SYNJ2: variants seen among roughly 807,000 people sequenced by gnomAD.
The protein encoded by SYNJ2 is synaptojanin 2.
A neutral mutation model predicts 141.3 loss-of-function variants in SYNJ2; 116 were observed. The ratio of observed to expected loss-of-function variants is 0.82; its 90% CI spans 0.71 to 0.96. The LOEUF is 0.96. SYNJ2 is among the 40% of genes least tolerant of loss of function. The probability of loss-of-function intolerance (pLI) is 0.00; values close to 1 mark genes in which losing one functional copy is unlikely to be tolerated. For missense variants in SYNJ2, 1,873 were observed against 1,934.8 expected, an observed-to-expected ratio of 0.97 and a Z score of 0.60; for synonymous variants, 745 against 777.7, an observed-to-expected ratio of 0.96 and a Z score of 0.70.
chr6:158,012,110 G>T (rs1778290125), intron 1 of SYNJ2, among the ~76,000 whole-genome samples: 1 of 152,268 alleles, frequency 6.6e-6, no homozygotes, highest in East Asian at 1.9e-4. Flanking sequence ...CCCTGTAGGT[G>T]CATGACAGAG....
chr6:158,038,446 C>T (rs1318806515), intron 4 of SYNJ2, among the ~76,000 whole-genome samples: 1 of 152,182 alleles, frequency 6.6e-6, no homozygotes, highest in African/African-American at 2.4e-5. Flanking sequence ...ACAAGAGATG[C>T]GTAGCGGGGC....
rs148003447 is a variant in SYNJ2, at chr6:158,089,144, T to C, written c.3456+372T>C. 2.8e-4 allele frequency among the ~76,000 whole-genome samples: 43 copies of C among 151,926 alleles called. 2 individuals are homozygous for C. The highest frequency in any genetic ancestry group is 2.3e-3 in the South Asian group (11 of 4,802). Reference sequence around the variant, plus strand: ...AAATGATGATCATTCTGGAGTGAAGTTGGTTGAGAGAAGAGGCTAAAAAGA... The same window carrying C: ...AAATGATGATCATTCTGGAGTGAAGCTGGTTGAGAGAAGAGGCTAAAAAGA... On this transcript the variant is annotated intron_variant, in intron 24 of 26. Transcript: ENST00000355585.
At position 158,078,245 on chromosome 6, in the gene SYNJ2, A is replaced by G; in HGVS notation, c.2531A>G (p.Tyr844Cys). 1.2e-6 allele frequency: 2 copies of G among 1,613,990 alleles called. No individual in the cohort carries two copies. Among genetic ancestry groups the G allele is most frequent in the Non-Finnish European group, 1.7e-6 (2 of 1,179,884 alleles). The change falls in exon 18 of 27, where the codon TAT becomes TGT. Residue 844 changes from tyrosine (Y) to cysteine (C), a missense_variant. Transcript: ENST00000355585. ...RHTWSPGALQ[Y>C]YGRAELQASD... ...ACCTGGTCTCCTGGTGCCCTGCAGT[A>G]TTATGGTCGTGCGGAGCTACAAGCG...
At chr6:158,059,521 A>T in intron 7 of SYNJ2, 168 bp downstream of exon 7, 1 of 1,399,192 alleles carries the variant, frequency 7.1e-7, no homozygotes, top group Non-Finnish European at 9.3e-7. Context: ...GTGCTCAGTG[A>T]CTCGGGCCCT....
intron 25 of SYNJ2, among the ~76,000 whole-genome samples, chr6:158,092,714 G>A (rs1308008948): frequency 6.6e-6 from 1 of 152,096 alleles, no homozygotes; most frequent in Non-Finnish European, 1.5e-5. Context: ...GCAGTGAGCC[G>A]TGATCATGCC....
chr6:158,062,174 G>A lies in SYNJ2; in HGVS notation c.1127+10G>A, dbSNP rs145258118. On this transcript the variant is annotated intron_variant, in intron 8 of 26. Coordinates refer to ENST00000355585, the MANE Select transcript of SYNJ2 (RefSeq NM_003898.4). ...AGAACGTCAGTCCACGGTGAGGCTC[G>A]CTGCGCACTGTGCCGCGTCTTCTGC... 4.9e-4 allele frequency: 794 copies of A among 1,610,638 alleles called. 9 individuals carry two copies. In the Admixed American group the frequency reaches 0.013, roughly 26 times the overall value.
rs115444049 is a variant in SYNJ2, at chr6:157,997,506, G to A, written c.127+15418G>A. ...GGGAGTGACACTGCCGCAAGACAAG[G>A]AATGCCTGGGCTACCGGAAGCTGGG... is the stretch of plus-strand genomic sequence containing the variant. On this transcript the variant is annotated intron_variant, in intron 1 of 26. Transcript: ENST00000355585. 1.2e-3 allele frequency among the ~76,000 whole-genome samples: 179 copies of A among 152,262 alleles called. 1 individual carries two copies. Among genetic ancestry groups the A allele is most frequent in the African/African-American group, 4.2e-3 (173 of 41,566 alleles).
rs1163015921 is a variant in SYNJ2, at chr6:158,078,220, A to C, written c.2506A>C (p.Thr836Pro). ...AGATGTTGACACCAAAGTCAGACACACCTGGTCTCCTGGTGCCCTGCAGTA... is the reference window on the plus strand; with the variant it reads ...AGATGTTGACACCAAAGTCAGACACCCCTGGTCTCCTGGTGCCCTGCAGTA... The part of the protein sequence containing the change: ...DLDVDTKVRH[T>P]WSPGALQYYG... Residue 836 changes from threonine (T) to proline (P), a missense_variant, in exon 18 of 27, where the codon ACC becomes CCC. Physicochemically the swap from Thr to Pro is conservative, Grantham distance 38. Transcript: ENST00000355585. 1 of 1,614,040 alleles carries C rather than the reference A, an allele frequency of 6.2e-7. No individual in the cohort carries two copies. The highest frequency in any genetic ancestry group is 8.5e-7 in the Non-Finnish European group (1 of 1,180,016).
chr6:158,081,594 C>G, intron 20 of SYNJ2, 84 bp downstream of exon 20: 1 of 628,644 alleles, frequency 1.6e-6, no homozygotes, highest in Non-Finnish European at 2.7e-6. Flanking sequence ...TCCTCTTGCC[C>G]TGACCTGTGC....
At chr6:158,016,672 G>A (rs1778471623) in intron 1 of SYNJ2, among the ~76,000 whole-genome samples, 1 of 152,120 alleles carries the variant, frequency 6.6e-6, no homozygotes, top group Non-Finnish European at 1.5e-5. Flanking sequence ...ACTAGTACAT[G>A]CCTTGGCTTG....
At chr6:158,055,267 A>G (rs1780801234) in intron 6 of SYNJ2, among the ~76,000 whole-genome samples, 2 of 152,198 alleles carry the variant, frequency 1.3e-5, no homozygotes, top group Non-Finnish European at 2.9e-5. Context: ...TAATTATTTT[A>G]TCTTACCAGT....
chr6:158,044,740 C>A (rs1780144632), intron 5 of SYNJ2, among the ~76,000 whole-genome samples: 1 of 152,138 alleles, frequency 6.6e-6, no homozygotes, highest in Admixed American at 6.5e-5. Context: ...AAACTTTGTC[C>A]CCGTTAGTGG....
chr6:158,098,818 G>A lies in SYNJ2; in HGVS notation c.*2454G>A, dbSNP rs1783915932. ...TTTAGGTACTTCACAACTCACCATT[G>A]TCTCTCTGACCCCAAGCCTAGTCCC... On this transcript the variant is annotated 3_prime_UTR_variant, in exon 27 of 27. Transcript: ENST00000355585. 2 of 152,156 alleles carry A rather than the reference G, an allele frequency of 1.3e-5. No individual in the cohort carries two copies. The highest frequency in any genetic ancestry group is 1.3e-4 in the Admixed American group (2 of 15,270). The allele number at this position is 152,156 out of a possible 1,614,324, so 9.4% of individuals were successfully genotyped here.
chr6:158,063,344 TG>T (rs1294050778), intron 8 of SYNJ2, among the ~76,000 whole-genome samples: 1 of 152,070 alleles, frequency 6.6e-6, no homozygotes, highest in Non-Finnish European at 1.5e-5. Flanking sequence ...CTGGGGTTTC[TG>T]GGGGGCTATT....
At position 158,086,983 on chromosome 6, in the gene SYNJ2, C is replaced by A. The variant is rs61748684; in HGVS notation, c.3337C>A (p.Pro1113Thr). 1.0e-3 allele frequency: 1,524 copies of A among 1,502,900 alleles called. 1 individual carries two copies. Among genetic ancestry groups the A allele is most frequent in the Non-Finnish European group, 1.3e-3 (1,390 of 1,107,796 alleles). 93.1% of individuals were successfully genotyped at this position (1,502,900 alleles called of 1,614,324 possible). The change falls in exon 23 of 27, where the codon CCT becomes ACT. Residue 1113 changes from proline (P) to threonine (T), a missense_variant. Physicochemically the swap from Pro to Thr is conservative, Grantham distance 38. Transcript: ENST00000355585. ...RPPQPPQRPP[P>T]PTGLMVKKSA... ...ACCTCAACCCCCGCAGAGACCCCCC[C>A]CTCCAAGTAAGACTCTGCTTGCTTT... is the stretch of plus-strand genomic sequence containing the variant.
intron 9 of SYNJ2, 21 bp downstream of exon 9, chr6:158,063,893 T>C: frequency 6.2e-7 from 1 of 1,612,258 alleles, no homozygotes; most frequent in South Asian, 1.1e-5. Context: ...GCCACAGCCT[T>C]TTCGGCCATC....
intron 1 of SYNJ2, among the ~76,000 whole-genome samples, chr6:158,006,218 C>G (rs543564796): frequency 6.6e-6 from 1 of 152,122 alleles, no homozygotes; most frequent in Non-Finnish European, 1.5e-5. Flanking sequence ...CACACACATG[C>G]GCACACACGT....
In SYNJ2 at chr6:158,074,650, A is replaced by T. The variant is rs759711239; in HGVS notation, c.2204A>T (p.Tyr735Phe). ...GDFNYRIDLT[Y>F]EEVFYFVKRQ... ...TTCAACTACCGCATTGATCTTACTT[A>T]TGAAGAAGTCTTCTATTTTGTTAAA... The change falls in exon 16 of 27, where the codon TAT becomes TTT. Residue 735 changes from tyrosine (Y) to phenylalanine (F), a missense_variant. Coordinates refer to ENST00000355585, the MANE Select transcript of SYNJ2 (RefSeq NM_003898.4). 1.2e-6 allele frequency: 2 copies of T among 1,614,040 alleles called. No individual in the cohort carries two copies. The highest frequency in any genetic ancestry group is 1.7e-6 in the Non-Finnish European group (2 of 1,180,020).
rs765180954 is a variant in SYNJ2, at chr6:158,081,310, G to A, written c.2769G>A (p.Gly923=). The A allele has an allele frequency of 1.9e-6, 3 of 1,614,038 alleles. No homozygotes were observed. Among genetic ancestry groups the A allele is most frequent in the East Asian group, 2.2e-5 (1 of 44,890 alleles). The change falls in exon 19 of 27, where the codon GGG becomes GGA. Residue 923 remains glycine, a synonymous_variant. Transcript: ENST00000355585. ...TCATGCAGACCTTGGGGAGTTATGG[G>A]ACAATTGTTCTTGTCAGGTAACTGC... The part of the protein sequence containing the change: ...TELMQTLGSY[G]TIVLVRINQG...
Sources: allele counts gnomAD v4.1 joint callset (sites outside exome capture counted in the v4.1 genomes callset), GRCh38; gene constraint gnomAD v4.1.1; transcripts MANE v1.5; gene names NCBI Gene and HGNC (gene_info 2026-07-23, HGNC 2026-07-21).